The following RP9 variants were observed in gnomAD, a reference collection of about 807,000 sequenced individuals.
RP9 encodes the protein retinitis pigmentosa 9 protein.
RP9 carries 23 observed loss-of-function variants against 32.6 expected under a neutral mutation model. The ratio of observed to expected loss-of-function variants is 0.71; its 90% confidence interval spans 0.51 to 1.00. RP9 has a LOEUF of 1.00. Ranked by LOEUF, RP9 falls within the 50% of genes least tolerant of loss-of-function variation. The pLI is 0.00. For missense variants in RP9, 245 were observed against 285.3 expected, an observed-to-expected ratio of 0.86 and a Z score of 1.02; for synonymous variants, 94 against 103.6, an observed-to-expected ratio of 0.91 and a Z score of 0.56.
At chr7:33,107,519 C>T (rs1399200333) in intron 1 of RP9, among the ~76,000 whole-genome samples, 1 of 152,098 alleles carries the variant, frequency 6.6e-6, no homozygotes, top group Non-Finnish European at 1.5e-5. Flanking sequence ...CCTGGGAGAC[C>T]AAGAGCGCCA....
At chr7:33,095,941 T>C (rs1788326226) in intron 5 of RP9, among the ~76,000 whole-genome samples, 1 of 152,070 alleles carries the variant, frequency 6.6e-6, no homozygotes, top group African/African-American at 2.4e-5. Flanking sequence ...AAGTAGATCC[T>C]CCCACCTCAT....
chr7:33,108,977 G>T (rs1030890835), intron 1 of RP9, among the ~76,000 whole-genome samples: 1 of 152,156 alleles, frequency 6.6e-6, no homozygotes, highest in African/African-American at 2.4e-5. Context: ...GGCCTCCCAA[G>T]TCAGATTCTG....
At position 33,109,227 on chromosome 7, in the gene RP9, TC is replaced by T; in HGVS notation, c.145del (p.Glu49SerfsTer82). 6.7e-7 allele frequency: 1 copy of T among 1,497,192 alleles called. No individual in the cohort carries two copies. The highest frequency in any genetic ancestry group is 1.5e-5 in the African/African-American group (1 of 68,410). 92.7% of individuals were successfully genotyped at this position (1,497,192 alleles called of 1,614,324 possible). On this transcript the variant is annotated frameshift_variant, in exon 1 of 6. Transcript: ENST00000297157. LOFTEE classifies it high-confidence loss of function. This position sits in a 1 kb window ranked among gnomAD's most constrained non-coding sequence, Gnocchi z 4.9. ...AQQLQQLKHL[E>X]SFYEKPPPGL... is the part of the protein sequence containing the mutation. ...ACGGCAGCTCGGGACTCACAAGGACTCCAGGTGCTTGAGCTGCTGCAGCTGC... is the reference window on the plus strand; with the variant it reads ...ACGGCAGCTCGGGACTCACAAGGACTCAGGTGCTTGAGCTGCTGCAGCTGC...
Position 33,095,164 on chromosome 7 carries a change from C to G in RP9, c.*70G>C. 6.3e-7 allele frequency: 1 copy of G among 1,589,998 alleles called. No homozygotes were observed. The highest frequency in any genetic ancestry group is 8.6e-7 in the Non-Finnish European group (1 of 1,158,536). On this transcript the variant is annotated 3_prime_UTR_variant, in exon 6 of 6. Transcript: ENST00000297157. ...CTCGGCGTCTCTATCCTGCTGCTTT[C>G]TCTGACTGCATCTTCCTCTGTTCCT...
At chr7:33,100,246 G>A in intron 2 of RP9, 1 of 502,752 alleles carries the variant, frequency 2.0e-6, no homozygotes, top group Non-Finnish European at 3.6e-6. Context: ...CAAGGAAAAG[G>A]AGCTTAGAGA....
At chr7:33,095,687 ATTGTAATTTC>A (rs2128031400) in intron 5 of RP9, among the ~76,000 whole-genome samples, 1 of 152,262 alleles carries the variant, frequency 6.6e-6, no homozygotes, top group South Asian at 2.1e-4. Flanking sequence ...AGTCCTTACA[ATTGTAATTTC>A]TAACAGACGC....
At chr7:33,100,424 C>G (rs1015048662) in intron 2 of RP9, 107 bp downstream of exon 2, 46 of 997,738 alleles carry the variant, frequency 4.6e-5, no homozygotes, top group Admixed American at 1.1e-4. Context: ...AAGAAACAGG[C>G]TTTTGGTAAA....
At chr7:33,107,920 T>C (rs1046199568) in intron 1 of RP9, among the ~76,000 whole-genome samples, 3 of 151,970 alleles carry the variant, frequency 2.0e-5, no homozygotes, top group African/African-American at 4.8e-5. Flanking sequence ...GAAAAGCAAA[T>C]GAGGTAGAGA....
intron 3 of RP9, among the ~76,000 whole-genome samples, chr7:33,097,773 C>T (rs534613649): frequency 6.6e-6 from 1 of 152,064 alleles, no homozygotes; most frequent in Non-Finnish European, 1.5e-5. Context: ...GTGCGTACCA[C>T]CACACCCAGC....
chr7:33,107,401 G>A lies in RP9; in HGVS notation c.152+1820C>T, dbSNP rs1245220857. Among the ~76,000 whole-genome samples the A allele has an allele frequency of 3.3e-5, 5 of 152,210 alleles. No homozygotes were observed. The East Asian group carries it at 9.6e-4, about 29-fold the overall frequency. On this transcript the variant is annotated intron_variant, in intron 1 of 5. Transcript: ENST00000297157. ...AAAAAGCTCTCTGAGCTACAAATAA[G>A]TGGAATTAACCATCCTCTAGCATTC...
chr7:33,095,515 G>A (rs1788318773), intron 5 of RP9, 83 bp from the exon 6 acceptor site: 2 of 1,588,134 alleles, frequency 1.3e-6, no homozygotes, highest in African/African-American at 1.3e-5. Flanking sequence ...TCATTCAAAA[G>A]CAGTATAGGA....
At chr7:33,096,021 A>G (rs1044543621) in intron 5 of RP9, among the ~76,000 whole-genome samples, 2 of 152,012 alleles carry the variant, frequency 1.3e-5, no homozygotes, top group African/African-American at 2.4e-5. Flanking sequence ...TTTTGTAAAG[A>G]TGGGGTTTTG....
In RP9 at chr7:33,109,119, G is replaced by A; in HGVS notation, c.152+102C>T. ...GGGCCCAGCCCCCCTGCCTGCTCGC[G>A]GGGGCTCGGAGGACCCGGCCTAGCG... is the stretch of plus-strand genomic sequence containing the variant. On this transcript the variant is annotated intron_variant, in intron 1 of 5. Coordinates refer to ENST00000297157, the MANE Select transcript of RP9 (RefSeq NM_203288.2). This position sits in a 1 kb window ranked among gnomAD's most constrained non-coding sequence, Gnocchi z 4.9. 1 of 1,402,082 alleles carries A rather than the reference G, an allele frequency of 7.1e-7. No homozygotes were observed. Among genetic ancestry groups the A allele is most frequent in the Non-Finnish European group, 9.3e-7 (1 of 1,076,734 alleles). 86.9% of individuals were successfully genotyped at this position (1,402,082 alleles called of 1,614,324 possible).
chr7:33,109,290 CGCT>C lies in RP9; in HGVS notation c.80_82del (p.Gln27del). On this transcript the variant is annotated inframe_deletion, in exon 1 of 6. Coordinates refer to ENST00000297157, the MANE Select transcript of RP9 (RefSeq NM_203288.2). This position sits in a 1 kb window ranked among gnomAD's most constrained non-coding sequence, Gnocchi z 4.9. Reference sequence around the variant, plus strand: ...TCGCCGCCGCTTCTGCTCCCGACGTCGCTGCAGCTCCTGCTCCGGCGGCTCACG... The same window carrying C: ...TCGCCGCCGCTTCTGCTCCCGACGTCGCAGCTCCTGCTCCGGCGGCTCACG... 6.7e-7 allele frequency: 1 copy of C among 1,482,488 alleles called. No homozygotes were observed. Among genetic ancestry groups the C allele is most frequent in the Non-Finnish European group, 8.9e-7 (1 of 1,120,740 alleles). 91.8% of individuals were successfully genotyped at this position (1,482,488 alleles called of 1,614,324 possible). A position where few individuals can be genotyped will look rare whatever the true frequency, so the allele number is the denominator to read the frequency against.
chr7:33,109,123 G>A lies in RP9; in HGVS notation c.152+98C>T. 7.1e-7 allele frequency: 1 copy of A among 1,416,480 alleles called. No homozygotes were observed. Among genetic ancestry groups the A allele is most frequent in the Admixed American group, 2.6e-5 (1 of 38,592 alleles). 87.7% of individuals were successfully genotyped at this position (1,416,480 alleles called of 1,614,324 possible). ...CCAGCCCCCCTGCCTGCTCGCGGGG[G>A]CTCGGAGGACCCGGCCTAGCGCCCA... On this transcript the variant is annotated intron_variant, in intron 1 of 5. Transcript: ENST00000297157. The surrounding 1 kb of genome is among the most constrained non-coding windows in gnomAD (Gnocchi z 4.9).
At chr7:33,104,554 T>C (rs1006159705) in intron 1 of RP9, among the ~76,000 whole-genome samples, 1 of 151,714 alleles carries the variant, frequency 6.6e-6, no homozygotes, top group African/African-American at 2.4e-5. Flanking sequence ...CGTTTAAGGG[T>C]GAGGTGAACT....
At chr7:33,096,104 G>A (rs963307669) in intron 5 of RP9, among the ~76,000 whole-genome samples, 3 of 152,224 alleles carry the variant, frequency 2.0e-5, no homozygotes, top group African/African-American at 7.2e-5. Flanking sequence ...AAAGTGTTAG[G>A]ATTACAGGTG....
At chr7:33,100,668 C>T (rs753842944) in intron 1 of RP9, 107 bp from the exon 2 acceptor site, 1 of 899,856 alleles carries the variant, frequency 1.1e-6, no homozygotes, top group East Asian at 2.5e-5. Flanking sequence ...ATTTTAGCAA[C>T]AATAAGCTTT....
At chr7:33,102,022 G>A (rs1013116364) in intron 1 of RP9, among the ~76,000 whole-genome samples, 3 of 152,028 alleles carry the variant, frequency 2.0e-5, no homozygotes, top group Non-Finnish European at 4.4e-5. Flanking sequence ...ATGGCCAATC[G>A]AATTGAGATC....
Sources: gnomAD v4.1 joint callset for allele counts (sites outside exome capture counted in the v4.1 genomes callset) on GRCh38, gnomAD v4.1.1 for gene constraint, Gnocchi (gnomAD v3.1) non-coding constraint, MANE v1.5 for transcripts, NCBI Gene and HGNC (gene_info 2026-07-23, HGNC 2026-07-21) for gene names.